The following CACNA2D1 variants were observed in gnomAD, a reference collection of about 807,000 sequenced individuals.
CACNA2D1 encodes calcium voltage-gated channel auxiliary subunit alpha2delta 1.
CACNA2D1 carries 53 observed loss-of-function variants against 171.5 expected under a neutral mutation model. The ratio of observed to expected loss-of-function variants is 0.31; its 90% CI spans 0.25 to 0.39. CACNA2D1 has a LOEUF of 0.39. Among genes scored for constraint, CACNA2D1 ranks in the 10% least tolerant of loss-of-function variants. CACNA2D1 has a pLI of 1.00. For synonymous variants in CACNA2D1, 442 were observed against 443.1 expected (o/e 1.00, Z 0.03); for missense variants, 903 against 1,299.8 (o/e 0.69, Z 4.69).
chr7:82,380,883 C>T (rs1823619873), intron 1 of CACNA2D1, among the ~76,000 whole-genome samples: 1 of 151,872 alleles, frequency 6.6e-6, no homozygotes, highest in African/African-American at 2.4e-5. Flanking sequence ...TTAGTCAAGA[C>T]GAGGTTACAC....
At chr7:82,268,941 G>A (rs1330197088) in intron 3 of CACNA2D1, among the ~76,000 whole-genome samples, 2 of 152,298 alleles carry the variant, frequency 1.3e-5, no homozygotes, top group East Asian at 3.9e-4. Context: ...GCCAGAACAG[G>A]AGCAGATGAT....
At chr7:82,061,313 T>C (rs930875624) in intron 9 of CACNA2D1, among the ~76,000 whole-genome samples, 1 of 152,186 alleles carries the variant, frequency 6.6e-6, no homozygotes, top group African/African-American at 2.4e-5. Flanking sequence ...CCCTTATTCA[T>C]TCCACTTAAG....
intron 3 of CACNA2D1, among the ~76,000 whole-genome samples, chr7:82,305,631 C>T (rs945939166): frequency 6.6e-5 from 10 of 152,146 alleles, no homozygotes; most frequent in Admixed American, 6.6e-5. Flanking sequence ...CTTTTTATAA[C>T]ACAAGATGGT....
chr7:82,149,232 T>G (rs1793511201), intron 4 of CACNA2D1, among the ~76,000 whole-genome samples: 1 of 152,186 alleles, frequency 6.6e-6, no homozygotes, highest in Admixed American at 6.5e-5. Context: ...ATAAGGTTGT[T>G]GAATCATCTG....
chr7:82,136,720 T>C (rs199632459), intron 4 of CACNA2D1, 44 bp from the exon 5 acceptor site: 2 of 1,307,670 alleles, frequency 1.5e-6, no homozygotes, highest in Non-Finnish European at 2.1e-6. Context: ...ATAAAAACAA[T>C]ACTGTATCAA....
intron 3 of CACNA2D1, among the ~76,000 whole-genome samples, chr7:82,190,384 G>T (rs1395032613): frequency 6.6e-6 from 1 of 151,736 alleles, no homozygotes; most frequent in Non-Finnish European, 1.5e-5. Flanking sequence ...GTGGCACAAA[G>T]GAGATTAATT....
chr7:82,423,900 T>C lies in CACNA2D1; in HGVS notation c.95+19465A>G, dbSNP rs139586383. ...GAAAAGTGCACAAACTGGGAGTGTT[T>C]ACACACTTTTAAAACAGTTTGGAAA... On this transcript the variant is annotated intron_variant, in intron 1 of 38. Coordinates refer to ENST00000356860, the MANE Select transcript of CACNA2D1 (RefSeq NM_000722.4). 1.4e-3 allele frequency among the ~76,000 whole-genome samples: 213 copies of C among 152,320 alleles called. 1 individual carries two copies. The highest frequency in any genetic ancestry group is 5.0e-4 in the Non-Finnish European group (34 of 68,010).
intron 20 of CACNA2D1, among the ~76,000 whole-genome samples, 186 bp downstream of exon 20, chr7:81,994,682 G>C (rs1352271287): frequency 6.6e-6 from 1 of 151,838 alleles, no homozygotes; most frequent in African/African-American, 2.4e-5. Context: ...GAAAAAGAGG[G>C]TTAAAAATAT....
intron 10 of CACNA2D1, among the ~76,000 whole-genome samples, chr7:82,047,382 A>C (rs575852392): frequency 6.6e-6 from 1 of 152,308 alleles, no homozygotes; most frequent in South Asian, 2.1e-4. Flanking sequence ...ATGATACCTG[A>C]AGCTGAGTAC....
intron 21 of CACNA2D1, among the ~76,000 whole-genome samples, chr7:81,990,579 C>T (rs1797438777): frequency 6.6e-6 from 1 of 151,830 alleles, no homozygotes; most frequent in African/African-American, 2.4e-5. Context: ...AATGACGACA[C>T]ACTCATATCA....
chr7:82,134,479 G>A (rs376693021), intron 5 of CACNA2D1, among the ~76,000 whole-genome samples: 3 of 152,114 alleles, frequency 2.0e-5, no homozygotes, highest in East Asian at 3.9e-4. Flanking sequence ...CACTCTTTGC[G>A]AATTATTCTG....
At position 82,367,749 on chromosome 7, in the gene CACNA2D1, G is replaced by A. The variant is rs777967108; in HGVS notation, c.96-18100C>T. Among the ~76,000 whole-genome samples, 31 of 152,092 alleles carry A rather than the reference G, an allele frequency of 2.0e-4. 1 individual carries two copies. Among genetic ancestry groups the A allele is most frequent in the Non-Finnish European group, 4.1e-4 (28 of 68,032 alleles). ...AGTCAAATTGGTATATTAGCAAGGCGTGATGAACAAGGTTTCTACTGGAAA... is the reference window on the plus strand; with the variant it reads ...AGTCAAATTGGTATATTAGCAAGGCATGATGAACAAGGTTTCTACTGGAAA... On this transcript the variant is annotated intron_variant, in intron 1 of 38. Coordinates refer to ENST00000356860, the MANE Select transcript of CACNA2D1 (RefSeq NM_000722.4).
intron 34 of CACNA2D1, among the ~76,000 whole-genome samples, chr7:81,962,798 C>T (rs1007398131): frequency 2.6e-5 from 4 of 152,080 alleles, no homozygotes; most frequent in Middle Eastern, 3.4e-3. Context: ...ATGTCTGTTT[C>T]AGCGCGTAGG....
chr7:82,345,775 T>C (rs993289923), intron 2 of CACNA2D1, among the ~76,000 whole-genome samples: 3 of 152,068 alleles, frequency 2.0e-5, no homozygotes, highest in African/African-American at 7.2e-5. Flanking sequence ...CATATATATT[T>C]TTCTAAATTT....
chr7:82,101,527 T>C (rs1286837927), intron 6 of CACNA2D1, among the ~76,000 whole-genome samples: 1 of 152,170 alleles, frequency 6.6e-6, no homozygotes, highest in Non-Finnish European at 1.5e-5. Context: ...TATTGATAAA[T>C]TGAAAATCAA....
At chr7:82,041,535 G>A (rs1332648055) in intron 10 of CACNA2D1, among the ~76,000 whole-genome samples, 3 of 152,176 alleles carry the variant, frequency 2.0e-5, no homozygotes, top group Non-Finnish European at 4.4e-5. Context: ...AAAATGTCCT[G>A]CACAGATAGT....
At chr7:82,415,289 T>A (rs1828056141) in intron 1 of CACNA2D1, among the ~76,000 whole-genome samples, 1 of 152,096 alleles carries the variant, frequency 6.6e-6, no homozygotes, top group Non-Finnish European at 1.5e-5. Flanking sequence ...ATCCCAGCAC[T>A]TTGGGAGGCC....
intron 3 of CACNA2D1, among the ~76,000 whole-genome samples, chr7:82,218,167 C>G (rs1230178521): frequency 6.6e-6 from 1 of 152,058 alleles, no homozygotes; most frequent in Non-Finnish European, 1.5e-5. Context: ...ATCTCCTGAC[C>G]TCGTGATCCA....
intron 3 of CACNA2D1, among the ~76,000 whole-genome samples, chr7:82,296,957 G>A (rs753772665): frequency 2.6e-5 from 4 of 151,412 alleles, no homozygotes; most frequent in Admixed American, 1.3e-4. Context: ...CATATTGGCG[G>A]GGAGTGGTGG....
Sources: gnomAD v4.1 joint callset for allele counts (sites outside exome capture counted in the v4.1 genomes callset) on GRCh38, gnomAD v4.1.1 for gene constraint, MANE v1.5 for transcripts, NCBI Gene and HGNC (gene_info 2026-07-23, HGNC 2026-07-21) for gene names.